The following ZNF362 variants were observed in gnomAD, a reference collection of about 807,000 sequenced individuals.
ZNF362 encodes zinc finger protein 362, also known as rotund homolog.
Under a neutral mutation model 42.9 loss-of-function variants are expected in ZNF362, and 11 were observed. The ratio of observed to expected loss-of-function variants is 0.26; its 90% confidence interval spans 0.16 to 0.42. The LOEUF is 0.42. ZNF362 is among the 20% of genes least tolerant of loss of function. The pLI, the probability that ZNF362 is intolerant of heterozygous loss-of-function variation, is 1.00. For missense variants in ZNF362, 362 were observed against 576.2 expected (o/e 0.63, Z 3.81); for synonymous variants, 255 against 257.3 (o/e 0.99, Z 0.09).
rs553711208 is a variant in ZNF362 at position 33,295,355 on chromosome 1, C to G, written c.1146+50C>G. On this transcript the variant is annotated intron_variant, in intron 8 of 8. Coordinates refer to ENST00000539719, the MANE Select transcript of ZNF362 (RefSeq NM_152493.3). Reference sequence around the variant, plus strand: ...TGCCCCGGGGGAGCCACTTCGTCTTCCAGGCCTCAGTTGCTTCCCCATTGT... The same window carrying G: ...TGCCCCGGGGGAGCCACTTCGTCTTGCAGGCCTCAGTTGCTTCCCCATTGT... 27 of 1,591,380 alleles carry G rather than the reference C, an allele frequency of 1.7e-5. No individual in the cohort carries two copies. The South Asian group carries it at 2.9e-4, about 17-fold the overall frequency.
the ZNF362 span, among the ~76,000 whole-genome samples, chr1:33,249,803 G>A: frequency 6.6e-6 from 1 of 152,156 alleles, no homozygotes; most frequent in South Asian, 2.1e-4. Flanking sequence ...ACAGGTCCCT[G>A]AAGAACAGGC....
At chr1:33,127,800 G>T in the ZNF362 span, among the ~76,000 whole-genome samples, 61 of 152,328 alleles carry the variant, frequency 4.0e-4, no homozygotes, top group Admixed American at 4.0e-3. Flanking sequence ...TCTAGGCCAA[G>T]GAGTTTTACA....
At chr1:33,275,950 T>C (rs1645941823) in intron 2 of ZNF362, 150 bp from the exon 3 acceptor site, 2 of 754,386 alleles carry the variant, frequency 2.7e-6, no homozygotes, top group Non-Finnish European at 4.3e-6. Context: ...CCTGGCCTGG[T>C]GGGAGGCCTG....
the ZNF362 span, among the ~76,000 whole-genome samples, chr1:33,193,004 C>CAT: frequency 4.2e-3 from 575 of 137,282 alleles, 8 homozygotes; most frequent in African/African-American, 0.013. Flanking sequence ...CACACACACA[C>CAT]ATATATATAT....
the ZNF362 span, among the ~76,000 whole-genome samples, chr1:33,179,914 GGT>G: frequency 2.1e-5 from 3 of 145,346 alleles, no homozygotes; most frequent in African/African-American, 4.9e-5. Flanking sequence ...TCTCCAAGGG[GGT>G]GGGTATAAAA....
At chr1:33,255,712 G>A (rs1456609097), upstream of ZNF362, among the ~76,000 whole-genome samples, 1 of 152,184 alleles carries the variant, frequency 6.6e-6, no homozygotes, top group Non-Finnish European at 1.5e-5. Flanking sequence ...TCCGGCCTAG[G>A]GCTAGGGAGG....
the ZNF362 span, chr1:33,194,720 A>G: frequency 6.6e-6 from 1 of 152,096 alleles, no homozygotes; most frequent in Non-Finnish European, 1.5e-5. Flanking sequence ...TAATGTACCT[A>G]CCTCATGGTG....
chr1:33,204,245 GTCT>G, the ZNF362 span, among the ~76,000 whole-genome samples: 1 of 151,952 alleles, frequency 6.6e-6, no homozygotes, highest in Non-Finnish European at 1.5e-5. Context: ...TCCCCATTAT[GTCT>G]TCTTGGTACC....
At chr1:33,130,737 A>G in the ZNF362 span, among the ~76,000 whole-genome samples, 1 of 152,246 alleles carries the variant, frequency 6.6e-6, no homozygotes, top group Non-Finnish European at 1.5e-5. Flanking sequence ...GTTAGGCAGC[A>G]ATAGATAACT....
At chr1:33,267,892 T>C (rs1645875512) in intron 1 of ZNF362, among the ~76,000 whole-genome samples, 1 of 152,174 alleles carries the variant, frequency 6.6e-6, no homozygotes, top group African/African-American at 2.4e-5. Context: ...GGCCAGGAAG[T>C]TTGGACATTT....
chr1:33,256,675 CGCGGGGAGCGGGCCCAGCGGCGGCGG>C (rs1224206925), intron 1 of ZNF362, 21 bp downstream of exon 1: 1 of 144,940 alleles, frequency 6.9e-6, no homozygotes, highest in Non-Finnish European at 1.5e-5. Flanking sequence ...GCCCGGGGCG[CGCGGGGAGCGGGCCCAGCGGCGGCGG>C]GCGCCTGCCC....
the ZNF362 span, chr1:33,176,525 C>T: frequency 1.5e-6 from 1 of 653,446 alleles, no homozygotes. Context: ...AATCGGATCC[C>T]CTCTCTGGGG....
At chr1:33,221,148 C>G in the ZNF362 span, among the ~76,000 whole-genome samples, 1 of 152,208 alleles carries the variant, frequency 6.6e-6, no homozygotes. Flanking sequence ...GTGTTTCTCT[C>G]CTAACCCTGG....
the ZNF362 span, among the ~76,000 whole-genome samples, chr1:33,161,930 C>T: frequency 7.2e-5 from 11 of 152,290 alleles, no homozygotes; most frequent in East Asian, 1.7e-3. The surrounding 1 kb of genome is among the most constrained non-coding windows in gnomAD (Gnocchi z 4.3). Flanking sequence ...ACCCTGAACA[C>T]CTGCCCCCAT....
At chr1:33,229,627 G>A in the ZNF362 span, among the ~76,000 whole-genome samples, 2 of 151,758 alleles carry the variant, frequency 1.3e-5, no homozygotes, top group South Asian at 2.1e-4. Context: ...GACTGGTCTC[G>A]AACTCCTGAC....
At chr1:33,260,195 T>G (rs1205041142) in intron 1 of ZNF362, among the ~76,000 whole-genome samples, 1 of 152,252 alleles carries the variant, frequency 6.6e-6, no homozygotes, top group African/African-American at 2.4e-5. Context: ...GTCATTCCCC[T>G]GCTGAAACTT....
chr1:33,199,540 C>G, the ZNF362 span, among the ~76,000 whole-genome samples: 5 of 151,766 alleles, frequency 3.3e-5, no homozygotes, highest in Admixed American at 2.6e-4. Context: ...GTTATTCAAG[C>G]AGAAAGAAAA....
At chr1:33,204,900 A>C in the ZNF362 span, among the ~76,000 whole-genome samples, 101 of 152,224 alleles carry the variant, frequency 6.6e-4, no homozygotes, top group Non-Finnish European at 1.0e-3. Flanking sequence ...AAAATTTAAA[A>C]ACATCTTTTA....
chr1:33,135,634 C>T, the ZNF362 span, among the ~76,000 whole-genome samples: 1 of 152,236 alleles, frequency 6.6e-6, no homozygotes, highest in East Asian at 1.9e-4. Context: ...CTCAAACATG[C>T]TGTTCCTCCT....
Sources: allele counts gnomAD v4.1 joint callset (sites outside exome capture counted in the v4.1 genomes callset), GRCh38; gene constraint gnomAD v4.1.1; non-coding constraint Gnocchi (gnomAD v3.1); transcripts MANE v1.5; gene names NCBI Gene and HGNC (gene_info 2026-07-23, HGNC 2026-07-21).